Variants in DNMT1 observed in about 807,000 individuals in gnomAD.
DNMT1 encodes the protein DNA (cytosine-5)-methyltransferase 1.
In DNMT1, 24 loss-of-function variants were observed where a neutral mutation model predicts 205.3. The observed-to-expected ratio is 0.12, with a 90% CI of 0.08 to 0.16. The LOEUF (loss-of-function observed/expected upper bound fraction) is 0.16. DNMT1 is among the 10% of genes least tolerant of loss of function. The probability of loss-of-function intolerance (pLI) is 1.00; values close to 1 mark genes in which losing one functional copy is unlikely to be tolerated. For missense variants in DNMT1, 1,293 were observed against 2,177.7 expected (o/e 0.59, Z 8.09); for synonymous variants, 817 against 839.8 (o/e 0.97, Z 0.47).
At chr19:10,188,590 G>A (rs1448534426) in intron 1 of DNMT1, among the ~76,000 whole-genome samples, 1 of 152,144 alleles carries the variant, frequency 6.6e-6, no homozygotes, top group Non-Finnish European at 1.5e-5. Flanking sequence ...CCTGGAACCT[G>A]TGAATATATT....
Position 10,133,416 on chromosome 19 carries a change from C to T in DNMT1, c.*251G>A. ...AAACTACATAAAGTCTTAATTTCCA[C>T]TCATACAGTGGTAGATTTGATATAA... On this transcript the variant is annotated 3_prime_UTR_variant, in exon 41 of 41. Transcript: ENST00000359526. The surrounding 1 kb of genome is among the most constrained non-coding windows in gnomAD (Gnocchi z 4.1). 3.5e-6 allele frequency: 2 copies of T among 565,010 alleles called. No individual in the cohort carries two copies. Among genetic ancestry groups the T allele is most frequent in the Non-Finnish European group, 6.3e-6 (2 of 317,220 alleles). The allele number at this position is 565,010 out of a possible 1,614,324, so 35.0% of individuals were successfully genotyped here.
At chr19:10,144,153 T>A in intron 28 of DNMT1, 166 bp from the exon 29 acceptor site, 1 of 751,022 alleles carries the variant, frequency 1.3e-6, no homozygotes, top group Non-Finnish European at 2.3e-6. Context: ...CTCACGCCTG[T>A]AATCCCAGCA....
intron 9 of DNMT1, among the ~76,000 whole-genome samples, chr19:10,171,676 G>A (rs947452194): frequency 1.3e-5 from 2 of 152,032 alleles, no homozygotes; most frequent in African/African-American, 4.8e-5. Flanking sequence ...ATGGTGGCAG[G>A]CGCCTGTGGT....
In DNMT1 at chr19:10,138,856, C is replaced by T. The variant is rs554570752; in HGVS notation, c.3949-251G>A. 6.6e-5 allele frequency among the ~76,000 whole-genome samples: 10 copies of T among 152,316 alleles called. No individual in the cohort carries two copies. Among genetic ancestry groups the T allele is most frequent in the South Asian group, 4.1e-4 (2 of 4,824 alleles). Reference sequence around the variant, plus strand: ...TGGGAGCAAACCCTGCGGGGAAGTCCGGCCAGCTCTGAAAGCACTGCAAGG... The same window carrying T: ...TGGGAGCAAACCCTGCGGGGAAGTCTGGCCAGCTCTGAAAGCACTGCAAGG... On this transcript the variant is annotated intron_variant, in intron 34 of 40. Transcript: ENST00000359526. This position sits in a 1 kb window ranked among gnomAD's most constrained non-coding sequence, Gnocchi z 4.1.
chr19:10,161,697 A>G (rs1445368509), intron 13 of DNMT1, among the ~76,000 whole-genome samples: 1 of 152,228 alleles, frequency 6.6e-6, no homozygotes, highest in East Asian at 1.9e-4. Context: ...GGGGGTATAC[A>G]GACCGAGTCA....
chr19:10,163,173 G>C (rs1181014115), intron 12 of DNMT1, among the ~76,000 whole-genome samples, 153 bp downstream of exon 12: 3 of 151,746 alleles, frequency 2.0e-5, no homozygotes, highest in African/African-American at 7.3e-5. Context: ...TGTTGGCCAG[G>C]CTAGGCTGGT....
rs1259090191 is a variant in DNMT1, at chr19:10,166,581, A to G, written c.891+17T>C. On this transcript the variant is annotated intron_variant, in intron 11 of 40. Coordinates refer to ENST00000359526, the MANE Select transcript of DNMT1 (RefSeq NM_001130823.3). ...GAAGAATGAGGGGGAGTTCAGAAAC[A>G]AATAACCCGCCTTTACTTTCTCGTC... 1 of 1,613,872 alleles carries G rather than the reference A, an allele frequency of 6.2e-7. No individual in the cohort carries two copies. Among genetic ancestry groups the G allele is most frequent in the African/African-American group, 1.3e-5 (1 of 74,930 alleles).
chr19:10,160,216 C>G, intron 14 of DNMT1, 153 bp from the exon 15 acceptor site: 1 of 1,514,178 alleles, frequency 6.6e-7, no homozygotes. Context: ...AGTGGCTCTT[C>G]ACCGCAGGGG....
In DNMT1 at chr19:10,146,272, G is replaced by C; in HGVS notation, c.2894+79C>G. On this transcript the variant is annotated intron_variant, in intron 28 of 40. Transcript: ENST00000359526. This position sits in a 1 kb window ranked among gnomAD's most constrained non-coding sequence, Gnocchi z 4.4. ...TGGTGCGGAGGGATTGGCAATGTCT[G>C]TAAGGAGGGGGACACCACAAAGCCA... 6.4e-7 allele frequency: 1 copy of C among 1,557,644 alleles called. No individual in the cohort carries two copies. Among genetic ancestry groups the C allele is most frequent in the East Asian group, 2.3e-5 (1 of 44,370 alleles).
In DNMT1 at chr19:10,143,945, G is replaced by A. The variant is rs150359172; in HGVS notation, c.2937C>T (p.Pro979=). 218 of 1,614,074 alleles carry A rather than the reference G, an allele frequency of 1.4e-4. No individual in the cohort carries two copies. The highest frequency in any genetic ancestry group is 1.7e-4 in the Non-Finnish European group (204 of 1,180,008). ...GCTCTGGGTACAGGTCCTCATCCAC[G>A]GGCTCCTTCCGTGGGCGTTTCACGG... The part of the protein sequence containing the change: ...SSPVKRPRKE[P]VDEDLYPEHY... Residue 979 remains proline, a synonymous_variant, in exon 29 of 41, where the codon CCC becomes CCT. Coordinates refer to ENST00000359526, the MANE Select transcript of DNMT1 (RefSeq NM_001130823.3).
chr19:10,190,843 A>G (rs2039288409), intron 1 of DNMT1, among the ~76,000 whole-genome samples: 1 of 151,816 alleles, frequency 6.6e-6, no homozygotes, highest in Non-Finnish European at 1.5e-5. Context: ...CCGGCTGGAC[A>G]CCATCATACC....
At chr19:10,157,878 G>T (rs943873046) in intron 17 of DNMT1, among the ~76,000 whole-genome samples, 2 of 152,226 alleles carry the variant, frequency 1.3e-5, no homozygotes, top group African/African-American at 4.8e-5. Context: ...GGGGAGACAT[G>T]GGAGAGAAGC....
At position 10,146,650 on chromosome 19, in the gene DNMT1, G is replaced by T; in HGVS notation, c.2721-126C>A. 1 of 1,228,130 alleles carries T rather than the reference G, an allele frequency of 8.1e-7. No individual in the cohort carries two copies. The highest frequency in any genetic ancestry group is 1.1e-6 in the Non-Finnish European group (1 of 875,132). The allele number at this position is 1,228,130 out of a possible 1,614,324, so 76.1% of individuals were successfully genotyped here. ...GAAAAAACATTTGCAGATGCTAGAAGGAAGAGGTGGCTTTCTTGTGCTTTG... is the reference window on the plus strand; with the variant it reads ...GAAAAAACATTTGCAGATGCTAGAATGAAGAGGTGGCTTTCTTGTGCTTTG... On this transcript the variant is annotated intron_variant, in intron 27 of 40. Coordinates refer to ENST00000359526, the MANE Select transcript of DNMT1 (RefSeq NM_001130823.3). The surrounding 1 kb of genome is among the most constrained non-coding windows in gnomAD (Gnocchi z 4.4).
intron 10 of DNMT1, among the ~76,000 whole-genome samples, chr19:10,167,433 G>GGC (rs1409417408): frequency 2.2e-4 from 34 of 152,122 alleles, no homozygotes; most frequent in Non-Finnish European, 3.7e-4. Flanking sequence ...CTGACCTCAA[G>GGC]TGATCCACCC....
rs937561804 is a variant in DNMT1 at position 10,177,933 on chromosome 19, T to TA, written c.494-567dup. 9.7e-3 allele frequency among the ~76,000 whole-genome samples: 1,112 copies of TA among 114,962 alleles called. 6 individuals are homozygous for TA. Among genetic ancestry groups the TA allele is most frequent in the East Asian group, 0.014 (59 of 4,104 alleles). 75.4% of individuals were successfully genotyped at this position (114,962 alleles called of 152,430 possible). A position where few individuals can be genotyped will look rare whatever the true frequency, so the allele number is the denominator to read the frequency against. On this transcript the variant is annotated intron_variant, in intron 5 of 40. Coordinates refer to ENST00000359526, the MANE Select transcript of DNMT1 (RefSeq NM_001130823.3). ...GGCGACAGAGCAAGACCCTGTCTCT[T>TA]AAAAAAAAAAAAAAAAGAAAAGAAA... is the stretch of plus-strand genomic sequence containing the variant.
At chr19:10,183,761 C>A (rs751138287) in intron 1 of DNMT1, among the ~76,000 whole-genome samples, 8 of 152,084 alleles carry the variant, frequency 5.3e-5, no homozygotes, top group Non-Finnish European at 1.0e-4. Context: ...GCTGTAATCC[C>A]AGCAACTTGG....
chr19:10,188,743 C>T (rs1028753040), intron 1 of DNMT1, among the ~76,000 whole-genome samples: 2 of 152,154 alleles, frequency 1.3e-5, no homozygotes, highest in African/African-American at 2.4e-5. Context: ...CTGCAGAGAG[C>T]GGGCAACGTT....
intron 27 of DNMT1, among the ~76,000 whole-genome samples, chr19:10,148,620 G>A (rs920760281): frequency 3.9e-5 from 6 of 152,066 alleles, no homozygotes; most frequent in Non-Finnish European, 5.9e-5. Flanking sequence ...AAGAACACAC[G>A]GGAAGTCTTG....
At chr19:10,172,405 C>CAAAA (rs34495234) in intron 9 of DNMT1, among the ~76,000 whole-genome samples, 1 of 76,420 alleles carries the variant, frequency 1.3e-5, no homozygotes, top group Non-Finnish European at 2.8e-5. Flanking sequence ...GACTCCATCT[C>CAAAA]AAAAAAAAAA....
Sources: allele counts gnomAD v4.1 joint callset (sites outside exome capture counted in the v4.1 genomes callset), GRCh38; gene constraint gnomAD v4.1.1; non-coding constraint Gnocchi (gnomAD v3.1); transcripts MANE v1.5; gene names NCBI Gene and HGNC (gene_info 2026-07-23, HGNC 2026-07-21).